SAMD9L: variants seen among roughly 807,000 people sequenced by gnomAD.
SAMD9L encodes sterile alpha motif domain containing 9 like.
Under a neutral mutation model 90.7 loss-of-function variants are expected in SAMD9L, and 68 were observed. The ratio of observed to expected loss-of-function variants is 0.75; its 90% confidence interval spans 0.62 to 0.92. The LOEUF (loss-of-function observed/expected upper bound fraction) is 0.92. Among genes scored for constraint, SAMD9L ranks in the 40% least tolerant of loss-of-function variants. SAMD9L has a pLI of 0.00. For synonymous variants in SAMD9L, 640 were observed against 630.1 expected, an observed-to-expected ratio of 1.02 and a Z score of -0.23; for missense variants, 1,604 against 1,824.3, an observed-to-expected ratio of 0.88 and a Z score of 2.20.
Position 93,131,598 on chromosome 7 carries a change from G to T in SAMD9L, c.4374C>A (p.Ser1458=), listed in dbSNP as rs201797999. The change falls in exon 5 of 5, where the codon TCC becomes TCA. Residue 1458 remains serine, a synonymous_variant. Transcript: ENST00000318238. ...IEKYVSSLNR[S]FRGQYKRMCR... is the part of the protein sequence containing the mutation. ...ACATGCGCTTGTACTGTCCCCTGAA[G>T]GATCTATTTAAGGATGAAACATACT... 2.5e-6 allele frequency: 4 copies of T among 1,613,888 alleles called. No homozygotes were observed. In the Admixed American group the frequency reaches 5.0e-5, roughly 20 times the overall value.
rs772350672 is a variant in SAMD9L at position 93,132,292 on chromosome 7, T to C, written c.3680A>G (p.His1227Arg). ...FHKENELSKK[H>R]MVQFLSGKWT... ...CTTTCCTGATAAAAATTGCACCATA[T>C]GTTTTTTGGATAATTCATTTTCTTT... Residue 1227 changes from histidine to arginine, a missense_variant, in exon 5 of 5, where the codon CAT becomes CGT. Physicochemically the swap from His to Arg is conservative, Grantham distance 29. This residue lies in a region of SAMD9L where 302 missense variants were observed against 314.7 expected (regional missense o/e 0.96). Coordinates refer to ENST00000318238, the MANE Select transcript of SAMD9L (RefSeq NM_152703.5). The C allele has an allele frequency of 2.5e-6, 4 of 1,613,674 alleles. No homozygotes were observed. The East Asian group carries it at 8.9e-5, about 36-fold the overall frequency.
Position 93,134,676 on chromosome 7 carries a change from T to G in SAMD9L, c.1296A>C (p.Leu432Phe). 1 of 1,613,822 alleles carries G rather than the reference T, an allele frequency of 6.2e-7. No individual in the cohort carries two copies. The highest frequency in any genetic ancestry group is 8.5e-7 in the Non-Finnish European group (1 of 1,179,848). The change falls in exon 5 of 5, where the codon TTA becomes TTC. Residue 432 changes from leucine (L) to phenylalanine (F), a missense_variant. This residue lies in a region of SAMD9L where 606 missense variants were observed against 717.6 expected (regional missense o/e 0.84). Transcript: ENST00000318238. ...NKCHPNQIKH[L>F]DFLKEIKWFA... ...ACCATTTAATTTCTTTTAAAAAATC[T>G]AAGTGCTTTATTTGGTTTGGATGGC...
At chr7:93,144,435 G>A (rs775288643) in intron 4 of SAMD9L, among the ~76,000 whole-genome samples, 1 of 152,088 alleles carries the variant, frequency 6.6e-6, no homozygotes, top group Admixed American at 6.5e-5. Flanking sequence ...ATATTACATT[G>A]TATTAGGCAT....
At chr7:93,138,822 C>CT (rs398005461) in intron 4 of SAMD9L, among the ~76,000 whole-genome samples, 1 of 76 alleles carries the variant, frequency 0.013, no homozygotes, top group Non-Finnish European at 0.026. Flanking sequence ...ATTCCCATCT[C>CT]TCTGCCGAGG....
chr7:93,141,693 T>C (rs866273142), intron 4 of SAMD9L, among the ~76,000 whole-genome samples: 2 of 152,156 alleles, frequency 1.3e-5, no homozygotes, highest in Non-Finnish European at 2.9e-5. Flanking sequence ...TAGGCCATCA[T>C]CTCTTTCCTG....
chr7:93,145,269 T>C (rs1254459295), intron 3 of SAMD9L, 116 bp downstream of exon 3: 1 of 152,256 alleles, frequency 6.6e-6, no homozygotes, highest in Non-Finnish European at 1.5e-5. Flanking sequence ...AAATAGCTTA[T>C]GCACACTTGC....
intron 4 of SAMD9L, among the ~76,000 whole-genome samples, chr7:93,137,741 T>C (rs1415061417): frequency 2.0e-5 from 3 of 150,366 alleles, no homozygotes; most frequent in Admixed American, 2.0e-4. Context: ...TAAGTTTTTT[T>C]TTTTTTTTTT....
At chr7:93,138,172 A>G (rs891538157) in intron 4 of SAMD9L, among the ~76,000 whole-genome samples, 3 of 152,178 alleles carry the variant, frequency 2.0e-5, no homozygotes, top group African/African-American at 7.2e-5. Flanking sequence ...TAGATGATCA[A>G]TTCAGTTCAT....
At chr7:93,142,035 A>T (rs1056632721) in intron 4 of SAMD9L, among the ~76,000 whole-genome samples, 1 of 152,074 alleles carries the variant, frequency 6.6e-6, no homozygotes, top group African/African-American at 2.4e-5. Context: ...AGGCCTTTGC[A>T]CTACCTGTTC....
Position 93,135,311 on chromosome 7 carries a change from C to G in SAMD9L, c.661G>C (p.Val221Leu), listed in dbSNP as rs1248179661. 6.2e-7 allele frequency: 1 copy of G among 1,613,996 alleles called. No individual in the cohort carries two copies. Among genetic ancestry groups the G allele is most frequent in the Non-Finnish European group, 8.5e-7 (1 of 1,180,004 alleles). The change falls in exon 5 of 5, where the codon GTC becomes CTC. Residue 221 changes from valine to leucine, a missense_variant. Coordinates refer to ENST00000318238, the MANE Select transcript of SAMD9L (RefSeq NM_152703.5). ...ATACAAGCTGATGCAAATCGGAAGACTTCATTGCTGAATTTCATCTTAATG... is the reference window on the plus strand; with the variant it reads ...ATACAAGCTGATGCAAATCGGAAGAGTTCATTGCTGAATTTCATCTTAATG... ...VDIKMKFSNEVFRFASACMNS... is the reference protein window; with the variant it reads ...VDIKMKFSNELFRFASACMNS...
In SAMD9L at chr7:93,134,468, A is replaced by G. The variant is rs1562793527; in HGVS notation, c.1504T>C (p.Ser502Pro). 6.2e-7 allele frequency: 1 copy of G among 1,613,988 alleles called. No individual in the cohort carries two copies. The highest frequency in any genetic ancestry group is 8.5e-7 in the Non-Finnish European group (1 of 1,179,910). Residue 502 changes from serine (S) to proline (P), a missense_variant, in exon 5 of 5, where the codon TCA (serine) becomes CCA (proline). Transcript: ENST00000318238. ...TTATATGTCTCGCTTTTCAGGTCTG[A>G]TCTGCCGTTGCAGAAAATCCAGCTG... is the stretch of plus-strand genomic sequence containing the variant. ...QPSWIFCNGR[S>P]DLKSETYKPL...
chr7:93,135,994 G>C lies in SAMD9L; in HGVS notation c.-20-3C>G, dbSNP rs1274454126. 6.6e-7 allele frequency: 1 copy of C among 1,514,964 alleles called. No homozygotes were observed. Among genetic ancestry groups the C allele is most frequent in the African/African-American group, 1.4e-5 (1 of 71,524 alleles). 93.8% of individuals were successfully genotyped at this position (1,514,964 alleles called of 1,614,324 possible). On this transcript the variant is annotated splice_polypyrimidine_tract_variant and splice_region_variant and intron_variant, in intron 4 of 4. Coordinates refer to ENST00000318238, the MANE Select transcript of SAMD9L (RefSeq NM_152703.5). ...CATATCAAAGCTTCAACTTCTTCCT[G>C]AGACAAAGCAATATAATAAGTATTT...
At position 93,133,040 on chromosome 7, in the gene SAMD9L, C is replaced by A. The variant is rs567728437; in HGVS notation, c.2932G>T (p.Glu978Ter). ...CGCACACCTGTGTATCTCCCATATT[C>A]TGCAACTTCTGTTTTTATTAGAAGT... ...STLLIKTEVAEYGRYTGVRII... is the reference protein window; with the variant it reads ...STLLIKTEVA The change falls in exon 5 of 5, where the codon GAA becomes TAA. Residue 978 changes from glutamate to a stop codon, truncating the protein, a stop_gained. Transcript: ENST00000318238. LOFTEE classifies it high-confidence loss of function. 5 of 1,613,632 alleles carry A rather than the reference C, an allele frequency of 3.1e-6. No individual in the cohort carries two copies. The South Asian group carries it at 5.5e-5, about 18-fold the overall frequency.
Position 93,132,881 on chromosome 7 carries a change from A to G in SAMD9L, c.3091T>C (p.Phe1031Leu). ...AGAAGAGTTTGAACATCATGTTGAA[A>G]TTTGTCTCTTCCTATTCCAGAATCA... is the stretch of plus-strand genomic sequence containing the variant. Reference protein sequence around the residue: ...FYDSGIGRDKFQHDVQTLLLT... With the variant: ...FYDSGIGRDKLQHDVQTLLLT... Residue 1031 changes from phenylalanine (F) to leucine (L), a missense_variant, in exon 5 of 5, where the codon TTT becomes CTT. Coordinates refer to ENST00000318238, the MANE Select transcript of SAMD9L (RefSeq NM_152703.5). 6.2e-7 allele frequency: 1 copy of G among 1,613,694 alleles called. No individual in the cohort carries two copies. Among genetic ancestry groups the G allele is most frequent in the African/African-American group, 1.3e-5 (1 of 75,014 alleles).
In SAMD9L at chr7:93,134,101, A is replaced by G. The variant is rs750426944; in HGVS notation, c.1871T>C (p.Leu624Pro). ...TCTTGATGACCGAGTCACCGATTTT[A>G]GTTTAAGGATAGTGCTGTTTACCAG... is the stretch of plus-strand genomic sequence containing the variant. ...IELVNSTILK[L>P]KSVTRSSRRF... is the part of the protein sequence containing the mutation. The change falls in exon 5 of 5, where the codon CTA becomes CCA. Residue 624 changes from leucine to proline, a missense_variant. By Grantham distance (98) the Leu-to-Pro change is moderately conservative. Coordinates refer to ENST00000318238, the MANE Select transcript of SAMD9L (RefSeq NM_152703.5). 6.2e-7 allele frequency: 1 copy of G among 1,613,966 alleles called. No homozygotes were observed.
chr7:93,137,121 A>G (rs771579770), intron 4 of SAMD9L, among the ~76,000 whole-genome samples: 2 of 152,238 alleles, frequency 1.3e-5, no homozygotes, highest in African/African-American at 2.4e-5. Flanking sequence ...AAACAAAAAC[A>G]CTAAACTATA....
chr7:93,140,682 C>T (rs573907309), intron 4 of SAMD9L, among the ~76,000 whole-genome samples: 442 of 152,324 alleles, frequency 2.9e-3, no homozygotes, highest in Non-Finnish European at 4.9e-3. Flanking sequence ...CATCAACCTG[C>T]GTCTTCACTT....
chr7:93,132,506 C>A lies in SAMD9L; in HGVS notation c.3466G>T (p.Ala1156Ser), dbSNP rs766016905. Reference sequence around the variant, plus strand: ...TTGAAAGCTCTTGAGGCTTTTTCCGCAGCTTCTAGGAGATGTGTTAGGTCA... The same window carrying A: ...TTGAAAGCTCTTGAGGCTTTTTCCGAAGCTTCTAGGAGATGTGTTAGGTCA... Reference protein sequence around the residue: ...VNDLTHLLEAAEKASRAFKES... With the variant: ...VNDLTHLLEASEKASRAFKES... Residue 1156 changes from alanine (A) to serine (S), a missense_variant, in exon 5 of 5, where the codon GCG becomes TCG. Physicochemically the swap from Ala to Ser is moderately conservative, Grantham distance 99. Transcript: ENST00000318238. 49 of 1,613,756 alleles carry A rather than the reference C, an allele frequency of 3.0e-5. No individual in the cohort carries two copies. The highest frequency in any genetic ancestry group is 4.2e-5 in the Non-Finnish European group (49 of 1,179,838).
In SAMD9L at chr7:93,133,536, G is replaced by A. The variant is rs1399928995; in HGVS notation, c.2436C>T (p.Tyr812=). The part of the protein sequence containing the change: ...VDDFEEQENV[Y]FLQNAIHSVL... ...CGGAATGGATGGCATTTTGTAGAAA[G>A]TAGACATTTTCTTGTTCTTCAAAAT... is the stretch of plus-strand genomic sequence containing the variant. Residue 812 remains tyrosine (Y), a synonymous_variant, in exon 5 of 5, where the codon TAC becomes TAT. Transcript: ENST00000318238. 1.9e-6 allele frequency: 3 copies of A among 1,613,532 alleles called. No individual in the cohort carries two copies. In the African/African-American group the frequency reaches 4.0e-5, roughly 22 times the overall value.
Sources: gnomAD v4.1 joint callset for allele counts (sites outside exome capture counted in the v4.1 genomes callset) on GRCh38, gnomAD v4.1.1 for gene constraint, gnomAD v4.1.1 regional missense constraint, MANE v1.5 for transcripts, NCBI Gene and HGNC (gene_info 2026-07-23, HGNC 2026-07-21) for gene names.